The following GSDMC variants were observed in gnomAD, a reference collection of about 807,000 sequenced individuals.
GSDMC encodes gasdermin C, also known as gasdermin-C.
A neutral mutation model predicts 58.0 loss-of-function variants in GSDMC; 59 were observed. The ratio of observed to expected loss-of-function variants is 1.02; its 90% CI spans 0.82 to 1.26. GSDMC has a LOEUF of 1.26. GSDMC is among the 50% of genes most tolerant of loss of function. The pLI, the probability that GSDMC is intolerant of heterozygous loss-of-function variation, is 0.00. For synonymous variants in GSDMC, 241 were observed against 220.2 expected (o/e 1.09, Z -0.83); for missense variants, 659 against 598.5 (o/e 1.10, Z -1.06).
At chr8:129,712,763 C>T in the GSDMC span, among the ~76,000 whole-genome samples, 29 of 152,348 alleles carry the variant, frequency 1.9e-4, no homozygotes, top group South Asian at 1.7e-3. Flanking sequence ...ATTAGACAGG[C>T]AACCCAAGTG....
intron 6 of GSDMC, among the ~76,000 whole-genome samples, chr8:129,760,001 A>T (rs2033595792): frequency 1.3e-5 from 2 of 152,184 alleles, no homozygotes; most frequent in Admixed American, 6.5e-5. Context: ...AATATCAAAC[A>T]TATACAAAAT....
chr8:129,741,937 T>C, the GSDMC span, among the ~76,000 whole-genome samples: 2 of 146,350 alleles, frequency 1.4e-5, no homozygotes, highest in Non-Finnish European at 3.0e-5. Context: ...TATATATATA[T>C]ACATGAAATA....
intron 3 of GSDMC, among the ~76,000 whole-genome samples, chr8:129,770,252 T>C (rs1187249680): frequency 3.3e-5 from 5 of 152,182 alleles, no homozygotes; most frequent in Non-Finnish European, 7.3e-5. Context: ...CTCAGCACTT[T>C]GGGAGTCCAA....
chr8:129,723,419 C>CT, the GSDMC span, among the ~76,000 whole-genome samples: 3,286 of 133,230 alleles, frequency 0.025, 67 homozygotes, highest in Middle Eastern at 0.088. Context: ...TTTTCTTCTC[C>CT]TTTTTTTTTT....
chr8:129,720,574 T>G, the GSDMC span, among the ~76,000 whole-genome samples: 19,033 of 152,204 alleles, frequency 0.13, 2,053 homozygotes, highest in African/African-American at 0.29. Flanking sequence ...CACGTTTTAT[T>G]ACATATTACA....
intron 4 of GSDMC, among the ~76,000 whole-genome samples, chr8:129,763,539 T>C (rs143199241): frequency 1.3e-5 from 2 of 152,262 alleles, no homozygotes; most frequent in African/African-American, 4.8e-5. Flanking sequence ...GGAACTCGTA[T>C]TATTCAGGAG....
chr8:129,743,083 G>A, the GSDMC span, among the ~76,000 whole-genome samples: 9 of 152,030 alleles, frequency 5.9e-5, no homozygotes, highest in African/African-American at 2.2e-4. Context: ...GTACATCTTG[G>A]GATAGTGTTC....
chr8:129,724,353 C>T, the GSDMC span, among the ~76,000 whole-genome samples: 2 of 152,166 alleles, frequency 1.3e-5, no homozygotes, highest in East Asian at 3.9e-4. Context: ...TTATTTTAAG[C>T]CATTACGTTT....
chr8:129,765,801 T>C lies in GSDMC; in HGVS notation c.405-8A>G. On this transcript the variant is annotated splice_polypyrimidine_tract_variant and splice_region_variant and intron_variant, in intron 3 of 13. Coordinates refer to ENST00000276708, the MANE Select transcript of GSDMC (RefSeq NM_031415.3). ...TCTGGATCCAACAGTTTCCTGGGGA[T>C]TTAAGGAAGGAGGACAAGAGTCAGA... The C allele has an allele frequency of 2.5e-6, 4 of 1,611,824 alleles. No homozygotes were observed. Among genetic ancestry groups the C allele is most frequent in the Non-Finnish European group, 3.4e-6 (4 of 1,178,916 alleles).
chr8:129,760,610 T>G, intron 5 of GSDMC, 21 bp from the exon 6 acceptor site: 1 of 1,287,994 alleles, frequency 7.8e-7, no homozygotes, highest in Non-Finnish European at 1.1e-6. Flanking sequence ...AAGAAGAACT[T>G]CCATTAGGAG....
At chr8:129,771,598 A>G (rs903915242) in intron 3 of GSDMC, among the ~76,000 whole-genome samples, 5 of 152,230 alleles carry the variant, frequency 3.3e-5, no homozygotes, top group Non-Finnish European at 7.3e-5. Context: ...TTCAAAAAAT[A>G]TCTGAGACAA....
At chr8:129,749,040 G>A (rs944156553) in intron 13 of GSDMC, among the ~76,000 whole-genome samples, 1 of 152,110 alleles carries the variant, frequency 6.6e-6, no homozygotes, top group Non-Finnish European at 1.5e-5. Flanking sequence ...GCATATAAAG[G>A]TATGTATTTA....
chr8:129,735,131 T>C, the GSDMC span, among the ~76,000 whole-genome samples: 29 of 152,294 alleles, frequency 1.9e-4, no homozygotes, highest in African/African-American at 6.0e-4. Context: ...ATGCACCCAA[T>C]ACAGGAGCAC....
downstream of GSDMC, among the ~76,000 whole-genome samples, chr8:129,746,680 T>C (rs1404202605): frequency 6.6e-6 from 1 of 152,192 alleles, no homozygotes; most frequent in African/African-American, 2.4e-5. Flanking sequence ...TAGATGTATA[T>C]GCAAAGAGTT....
intron 11 of GSDMC, 68 bp downstream of exon 11, chr8:129,750,363 G>C: frequency 7.0e-7 from 1 of 1,435,244 alleles, no homozygotes; most frequent in Non-Finnish European, 9.5e-7. Flanking sequence ...TGTAACTTGG[G>C]AGTCATATCT....
At chr8:129,745,398 T>A (rs2032938531), downstream of GSDMC, among the ~76,000 whole-genome samples, 1 of 152,158 alleles carries the variant, frequency 6.6e-6, no homozygotes, top group African/African-American at 2.4e-5. Context: ...AACTTCTTAC[T>A]CTCTCATAGT....
chr8:129,709,764 C>A, the GSDMC span, among the ~76,000 whole-genome samples: 1 of 152,154 alleles, frequency 6.6e-6, no homozygotes, highest in East Asian at 1.9e-4. Context: ...CATTACTTTC[C>A]AACCCCATTA....
chr8:129,707,979 A>G, the GSDMC span, among the ~76,000 whole-genome samples: 1 of 152,188 alleles, frequency 6.6e-6, no homozygotes, highest in Non-Finnish European at 1.5e-5. Context: ...TCTCCCAGGC[A>G]TCGTGAGTCC....
chr8:129,742,002 T>C, the GSDMC span, among the ~76,000 whole-genome samples: 6 of 150,190 alleles, frequency 4.0e-5, no homozygotes, highest in Non-Finnish European at 7.4e-5. Context: ...CACAGATGAA[T>C]GTGGAGGACA....
Sources: allele counts gnomAD v4.1 joint callset (sites outside exome capture counted in the v4.1 genomes callset), GRCh38; gene constraint gnomAD v4.1.1; transcripts MANE v1.5; gene names NCBI Gene and HGNC (gene_info 2026-07-23, HGNC 2026-07-21).